Variants in PARP8 observed in about 807,000 individuals in gnomAD.
PARP8 encodes the protein protein mono-ADP-ribosyltransferase PARP8.
Under a neutral mutation model 124.1 loss-of-function variants are expected in PARP8, and 51 were observed. The ratio of observed to expected loss-of-function variants is 0.41; its 90% confidence interval spans 0.33 to 0.52. PARP8 has a LOEUF of 0.52. Among genes scored for constraint, PARP8 ranks in the 20% least tolerant of loss-of-function variants. The probability of loss-of-function intolerance (pLI) is 0.21; values close to 1 mark genes in which losing one functional copy is unlikely to be tolerated. For synonymous variants in PARP8, 391 were observed against 361.5 expected (o/e 1.08, Z -0.93); for missense variants, 860 against 1,018.9 (o/e 0.84, Z 2.12).
At position 50,844,244 on chromosome 5, in the gene PARP8, T is replaced by C. The variant is rs1748445753; in HGVS notation, c.*2176T>C. The C allele has an allele frequency of 6.6e-6, 1 of 151,846 alleles. No individual in the cohort carries two copies. Among genetic ancestry groups the C allele is most frequent in the Non-Finnish European group, 1.5e-5 (1 of 67,836 alleles). 9.4% of individuals were successfully genotyped at this position (151,846 alleles called of 1,614,324 possible). A position where few individuals can be genotyped will look rare whatever the true frequency, so the allele number is the denominator to read the frequency against. ...TTTATGATAATAAAGTAAGATGTCT[T>C]CTTATGACAGTTAATTGAGTTGTAT... On this transcript the variant is annotated 3_prime_UTR_variant, in exon 26 of 26. Transcript: ENST00000281631.
chr5:50,797,306 A>G (rs748814844), intron 14 of PARP8, 73 bp downstream of exon 14: 48 of 1,113,064 alleles, frequency 4.3e-5, no homozygotes, highest in Non-Finnish European at 5.9e-5. Context: ...AAATATAAAA[A>G]TAAGTAAATA....
At chr5:50,756,133 A>G (rs1759919463) in intron 3 of PARP8, among the ~76,000 whole-genome samples, 1 of 152,134 alleles carries the variant, frequency 6.6e-6, no homozygotes, top group Non-Finnish European at 1.5e-5. Flanking sequence ...GCAAACAGGG[A>G]CAATTTGACT....
rs770748612 is a variant in PARP8, at chr5:50,815,409, ATTGATTCCT to A, written c.1576-20_1576-12del. 1 of 1,528,568 alleles carries A rather than the reference ATTGATTCCT, an allele frequency of 6.5e-7. No homozygotes were observed. Among genetic ancestry groups the A allele is most frequent in the Non-Finnish European group, 8.8e-7 (1 of 1,140,060 alleles). The allele number at this position is 1,528,568 out of a possible 1,614,324, so 94.7% of individuals were successfully genotyped here. A position where few individuals can be genotyped will look rare whatever the true frequency, so the allele number is the denominator to read the frequency against. On this transcript the variant is annotated splice_polypyrimidine_tract_variant and intron_variant, in intron 14 of 25. Coordinates refer to ENST00000281631, the MANE Select transcript of PARP8 (RefSeq NM_024615.4). The stretch of plus-strand genomic sequence containing the variant: ...TTGAGAGTTGGAAAAAAGTTTTGTG[ATTGATTCCT>A]TTTTCTTTTGTAGCCTACCGTATGT...
At chr5:50,695,732 G>A (rs1206093818) in intron 2 of PARP8, among the ~76,000 whole-genome samples, 1 of 152,088 alleles carries the variant, frequency 6.6e-6, no homozygotes, top group Non-Finnish European at 1.5e-5. Context: ...ATCAGGTATG[G>A]AGTTATTATT....
intron 2 of PARP8, among the ~76,000 whole-genome samples, chr5:50,733,099 T>A (rs956135832): frequency 2.0e-5 from 3 of 151,656 alleles, no homozygotes; most frequent in Non-Finnish European, 4.4e-5. Context: ...GTCAGGAGTT[T>A]GAGAACAGTC....
chr5:50,667,265 T>TG, intron 1 of PARP8, 79 bp downstream of exon 1: 2 of 1,407,358 alleles, frequency 1.4e-6, no homozygotes, highest in Admixed American at 1.7e-5. Context: ...TGGCTGGGGG[T>TG]GGGGTGGAGG....
At position 50,821,234 on chromosome 5, in the gene PARP8, AT is replaced by A; in HGVS notation, c.1691del (p.Met564SerfsTer13). The A allele has an allele frequency of 6.2e-7, 1 of 1,614,056 alleles. No individual in the cohort carries two copies. The highest frequency in any genetic ancestry group is 1.1e-5 in the South Asian group (1 of 91,078). On this transcript the variant is annotated frameshift_variant, in exon 16 of 26. Transcript: ENST00000281631. LOFTEE classifies it high-confidence loss of function. ...GAQVVDLLVS[M>X]CRSALESPRK... is the part of the protein sequence containing the mutation. Reference sequence around the variant, plus strand: ...CAAGGTGGTAGATCTACTAGTATCCATGTGTAGGTCTGCGTTGGAATCTCCT... The same window carrying A: ...CAAGGTGGTAGATCTACTAGTATCCAGTGTAGGTCTGCGTTGGAATCTCCT...
Position 50,756,695 on chromosome 5 carries a change from A to T in PARP8, c.185-2948A>T, listed in dbSNP as rs1243673156. On this transcript the variant is annotated intron_variant, in intron 3 of 25. Transcript: ENST00000281631. ...TACAACAGGATGATTTGATATATGT[A>T]TACATGTGTAGTAATTACCACGATC... 2.0e-5 allele frequency among the ~76,000 whole-genome samples: 3 copies of T among 152,184 alleles called. No individual in the cohort carries two copies. In the East Asian group the frequency reaches 5.8e-4, roughly 29 times the overall value.
intron 2 of PARP8, among the ~76,000 whole-genome samples, chr5:50,712,332 A>T (rs921210): frequency 0.9 from 137,220 of 152,196 alleles, 61,918 homozygotes; most frequent in East Asian, 1. Context: ...AAATATGTAC[A>T]GTTTTGTGGA....
At chr5:50,681,276 C>T (rs368317382) in intron 2 of PARP8, among the ~76,000 whole-genome samples, 3 of 152,040 alleles carry the variant, frequency 2.0e-5, no homozygotes, top group African/African-American at 7.2e-5. Flanking sequence ...ATTTGTTCTC[C>T]CAGTATCTGA....
intron 2 of PARP8, among the ~76,000 whole-genome samples, chr5:50,730,073 T>C (rs1214355189): frequency 6.6e-6 from 1 of 152,190 alleles, no homozygotes; most frequent in East Asian, 1.9e-4. Flanking sequence ...GTACTACTAA[T>C]TAGGAAGCAC....
intron 10 of PARP8, among the ~76,000 whole-genome samples, chr5:50,792,184 C>T (rs905198592): frequency 2.0e-5 from 3 of 152,036 alleles, no homozygotes; most frequent in African/African-American, 7.2e-5. Flanking sequence ...GTAGTAGTTC[C>T]TTTTGGTGCC....
chr5:50,827,317 A>G (rs1279319502), intron 19 of PARP8, among the ~76,000 whole-genome samples: 1 of 152,154 alleles, frequency 6.6e-6, no homozygotes, highest in Non-Finnish European at 1.5e-5. Context: ...GAATCTCTAA[A>G]TGTGAGATTC....
chr5:50,709,644 G>A (rs1028983804), intron 2 of PARP8, among the ~76,000 whole-genome samples: 11 of 151,808 alleles, frequency 7.2e-5, no homozygotes, highest in Non-Finnish European at 1.0e-4. Flanking sequence ...ATTCTTGAGT[G>A]CAGTAGCCAC....
At chr5:50,750,083 C>T in intron 2 of PARP8, 68 bp from the exon 3 acceptor site, 1 of 1,290,232 alleles carries the variant, frequency 7.8e-7, no homozygotes, top group Non-Finnish European at 1.1e-6. Context: ...TTTGGTTTGT[C>T]TTTTTTTTAT....
In PARP8 at chr5:50,763,222, G is replaced by A; in HGVS notation, c.498G>A (p.Gly166=). 1 of 1,611,454 alleles carries A rather than the reference G, an allele frequency of 6.2e-7. No individual in the cohort carries two copies. Among genetic ancestry groups the A allele is most frequent in the Non-Finnish European group, 8.5e-7 (1 of 1,177,620 alleles). ...TGTCAGCAGTTAGAGAGATATATGG[G>A]CCACATGCAGTTTCTCTCAGGTAAA... is the stretch of plus-strand genomic sequence containing the variant. ...ADLSAVREIY[G]PHAVSLREYG... Residue 166 remains glycine, a synonymous_variant, in exon 7 of 26, where the codon GGG becomes GGA. Transcript: ENST00000281631.
At chr5:50,777,730 C>T (rs1239481214) in intron 7 of PARP8, among the ~76,000 whole-genome samples, 1 of 152,098 alleles carries the variant, frequency 6.6e-6, no homozygotes, top group Non-Finnish European at 1.5e-5. Flanking sequence ...AGAAGCAGCT[C>T]CTTATCCTCA....
chr5:50,769,190 G>C (rs532546859), intron 7 of PARP8, among the ~76,000 whole-genome samples: 6 of 152,136 alleles, frequency 3.9e-5, no homozygotes, highest in African/African-American at 1.4e-4. Flanking sequence ...ATATATGCAC[G>C]TTCTGATTAT....
At chr5:50,760,822 A>C (rs1208821657) in intron 5 of PARP8, among the ~76,000 whole-genome samples, 1 of 152,094 alleles carries the variant, frequency 6.6e-6, no homozygotes, top group Non-Finnish European at 1.5e-5. Context: ...CCATTTCCAA[A>C]GACTTTACTT....
Sources: gnomAD v4.1 joint callset for allele counts (sites outside exome capture counted in the v4.1 genomes callset) on GRCh38, gnomAD v4.1.1 for gene constraint, MANE v1.5 for transcripts, NCBI Gene and HGNC (gene_info 2026-07-23, HGNC 2026-07-21) for gene names.